The following IGF2BP3 variants were observed in gnomAD, a reference collection of about 807,000 sequenced individuals.
IGF2BP3 encodes insulin like growth factor 2 mRNA binding protein 3.
IGF2BP3 carries 9 observed loss-of-function variants against 73.8 expected under a neutral mutation model. That is an observed-to-expected ratio of 0.12 (90% confidence interval 0.07 to 0.21). IGF2BP3 has a LOEUF of 0.21. Among genes scored for constraint, IGF2BP3 ranks in the 10% least tolerant of loss-of-function variants. The pLI is 1.00. For missense variants in IGF2BP3, 542 were observed against 714.0 expected, an observed-to-expected ratio of 0.76 and a Z score of 2.75; for synonymous variants, 258 against 256.7, an observed-to-expected ratio of 1.01 and a Z score of -0.05.
intron 10 of IGF2BP3, among the ~76,000 whole-genome samples, chr7:23,326,576 C>G (rs1383634394): frequency 2.6e-5 from 4 of 151,802 alleles, no homozygotes; most frequent in African/African-American, 4.8e-5. Flanking sequence ...GGTATATACC[C>G]AAAGGACTAT....
intron 3 of IGF2BP3, among the ~76,000 whole-genome samples, chr7:23,389,158 CTTTT>C (rs141188772): frequency 0.44 from 63,950 of 145,190 alleles, 15,822 homozygotes; most frequent in East Asian, 0.77. Context: ...GAATTATTCC[CTTTT>C]TTTTTTTTTT....
chr7:23,364,356 A>T (rs998415183), intron 3 of IGF2BP3, among the ~76,000 whole-genome samples: 2 of 151,554 alleles, frequency 1.3e-5, no homozygotes, highest in Non-Finnish European at 2.9e-5. Context: ...CCTGGGCAAC[A>T]GAGCAAGACT....
chr7:23,430,329 C>A (rs199959337), intron 2 of IGF2BP3, among the ~76,000 whole-genome samples: 13 of 152,290 alleles, frequency 8.5e-5, no homozygotes, highest in African/African-American at 3.1e-4. Flanking sequence ...GTGATCCGCC[C>A]GCCTCGGCGG....
In IGF2BP3 at chr7:23,469,834, C is replaced by T. The variant is rs1431330800; in HGVS notation, c.175+102G>A. On this transcript the variant is annotated intron_variant, in intron 1 of 14. Coordinates refer to ENST00000258729, the MANE Select transcript of IGF2BP3 (RefSeq NM_006547.3). The surrounding 1 kb of genome is among the most constrained non-coding windows in gnomAD (Gnocchi z 6.1). The stretch of plus-strand genomic sequence containing the variant: ...GGGCGCTCAGGCCTCACCCCCGCTC[C>T]CCCAGCGCGCCGGGCCTGGGGCCCG... 4 of 715,194 alleles carry T rather than the reference C, an allele frequency of 5.6e-6. No individual in the cohort carries two copies. The highest frequency in any genetic ancestry group is 9.0e-5 in the Admixed American group (2 of 22,134). 44.3% of individuals were successfully genotyped at this position (715,194 alleles called of 1,614,324 possible). A position where few individuals can be genotyped will look rare whatever the true frequency, so the allele number is the denominator to read the frequency against.
At chr7:23,387,288 C>T (rs778560889) in intron 3 of IGF2BP3, among the ~76,000 whole-genome samples, 1 of 152,044 alleles carries the variant, frequency 6.6e-6, no homozygotes, top group Non-Finnish European at 1.5e-5. Flanking sequence ...GACAAAATAC[C>T]TGATCAATAT....
chr7:23,468,367 A>C (rs1788618716), intron 2 of IGF2BP3, 115 bp downstream of exon 2: 2 of 1,033,802 alleles, frequency 1.9e-6, no homozygotes, highest in Admixed American at 3.5e-5. Flanking sequence ...AAAGACCGGA[A>C]CACCACGCCA....
intron 2 of IGF2BP3, among the ~76,000 whole-genome samples, chr7:23,425,186 A>G (rs1562745502): frequency 1.3e-5 from 2 of 152,206 alleles, no homozygotes; most frequent in African/African-American, 4.8e-5. Flanking sequence ...CAAGATATAC[A>G]TATGCATACA....
At chr7:23,425,487 C>T (rs781621720) in intron 2 of IGF2BP3, among the ~76,000 whole-genome samples, 2 of 152,156 alleles carry the variant, frequency 1.3e-5, no homozygotes, top group African/African-American at 4.8e-5. Flanking sequence ...CTCAAGTGAT[C>T]CTACCATCAC....
intron 2 of IGF2BP3, among the ~76,000 whole-genome samples, chr7:23,434,497 C>T (rs960288107): frequency 6.6e-6 from 1 of 152,104 alleles, no homozygotes; most frequent in Non-Finnish European, 1.5e-5. Flanking sequence ...AGAAAATAAG[C>T]AAATAATTGT....
chr7:23,332,916 G>A (rs1402549267), intron 10 of IGF2BP3, among the ~76,000 whole-genome samples: 2 of 152,138 alleles, frequency 1.3e-5, no homozygotes, highest in Non-Finnish European at 2.9e-5. Context: ...AAGAATGTCC[G>A]TATTATGTTC....
At chr7:23,351,807 G>GA (rs1784970143) in intron 5 of IGF2BP3, among the ~76,000 whole-genome samples, 1 of 152,016 alleles carries the variant, frequency 6.6e-6, no homozygotes, top group Admixed American at 6.6e-5. Flanking sequence ...GCACAGTGGG[G>GA]AAAAAGACCA....
chr7:23,347,777 C>T (rs377452468), intron 6 of IGF2BP3, 43 bp from the exon 7 acceptor site: 19 of 1,612,154 alleles, frequency 1.2e-5, no homozygotes, highest in East Asian at 2.2e-5. Flanking sequence ...GAGCAGTAAG[C>T]GTGTATTCAC....
At chr7:23,414,360 T>C (rs906042689) in intron 3 of IGF2BP3, 3 of 152,102 alleles carry the variant, frequency 2.0e-5, no homozygotes, top group African/African-American at 7.2e-5. Flanking sequence ...GGAATACAGA[T>C]AACATAAATA....
In IGF2BP3 at chr7:23,399,829, A is replaced by G. The variant is rs574860603; in HGVS notation, c.285+18947T>C. ...AAGGTCGGTAGATGGGGGGTTCAGT[A>G]TACTATTTTCTCAATGTGTGTATGT... On this transcript the variant is annotated intron_variant, in intron 3 of 14. Coordinates refer to ENST00000258729, the MANE Select transcript of IGF2BP3 (RefSeq NM_006547.3). 7.9e-5 allele frequency among the ~76,000 whole-genome samples: 12 copies of G among 152,310 alleles called. 1 individual carries two copies. The South Asian group carries it at 2.5e-3, about 32-fold the overall frequency.
At chr7:23,384,248 T>C (rs948169988) in intron 3 of IGF2BP3, among the ~76,000 whole-genome samples, 28 of 151,202 alleles carry the variant, frequency 1.9e-4, no homozygotes, top group Admixed American at 1.8e-3. Flanking sequence ...TAGGGAAATA[T>C]AGAAAGATTA....
chr7:23,400,709 A>G (rs897751930), intron 3 of IGF2BP3, among the ~76,000 whole-genome samples: 4 of 152,252 alleles, frequency 2.6e-5, no homozygotes, highest in African/African-American at 9.6e-5. Flanking sequence ...ATACCTACAC[A>G]AGCACACACC....
rs542509071 is a variant in IGF2BP3, at chr7:23,403,975, T to A, written c.285+14801A>T. Among the ~76,000 whole-genome samples, 329 of 141,086 alleles carry A rather than the reference T, an allele frequency of 2.3e-3. 2 individuals are homozygous for A. The highest frequency in any genetic ancestry group is 8.6e-3 in the African/African-American group (285 of 33,042). 92.6% of individuals were successfully genotyped at this position (141,086 alleles called of 152,430 possible). A position where few individuals can be genotyped will look rare whatever the true frequency, so the allele number is the denominator to read the frequency against. ...CTGTTTGTAAAACAAAAAAAAAAAT[T>A]TTTTTTTTTTTAAATTAATGGGGCA... On this transcript the variant is annotated intron_variant, in intron 3 of 14. Transcript: ENST00000258729.
chr7:23,390,800 C>CTT (rs1162886168), intron 3 of IGF2BP3, among the ~76,000 whole-genome samples: 3,063 of 135,412 alleles, frequency 0.023, 69 homozygotes, highest in African/African-American at 0.052. Context: ...TTATTGTTGC[C>CTT]TTTTTTTTTT....
chr7:23,420,070 C>A (rs1787301206), intron 2 of IGF2BP3, among the ~76,000 whole-genome samples: 1 of 152,118 alleles, frequency 6.6e-6, no homozygotes, highest in Non-Finnish European at 1.5e-5. Flanking sequence ...AAGTCACATG[C>A]CAGTCACCTC....
Sources: allele counts gnomAD v4.1 joint callset (sites outside exome capture counted in the v4.1 genomes callset), GRCh38; gene constraint gnomAD v4.1.1; non-coding constraint Gnocchi (gnomAD v3.1); transcripts MANE v1.5; gene names NCBI Gene and HGNC (gene_info 2026-07-23, HGNC 2026-07-21).